Variants in PIF1 observed in about 807,000 individuals in gnomAD.
PIF1 encodes PIF1 5'-to-3' DNA helicase.
A neutral mutation model predicts 62.3 loss-of-function variants in PIF1; 67 were observed. The observed-to-expected ratio is 1.08, with a 90% confidence interval of 0.88 to 1.32. PIF1 has a LOEUF of 1.32. Ranked by LOEUF, PIF1 falls within the 40% of genes most tolerant of loss-of-function variation. The pLI, the probability that PIF1 is intolerant of heterozygous loss-of-function variation, is 0.00. For missense variants in PIF1, 886 were observed against 866.1 expected (o/e 1.02, Z -0.29); for synonymous variants, 364 against 379.5 (o/e 0.96, Z 0.47).
intron 9 of PIF1, chr15:64,818,711 T>C: frequency 3.3e-6 from 1 of 306,714 alleles, no homozygotes. Flanking sequence ...TCAGATACAC[T>C]GTGCCTGCAT....
At chr15:64,825,282 T>C (rs1159626364) in intron 1 of PIF1, among the ~76,000 whole-genome samples, 1 of 152,084 alleles carries the variant, frequency 6.6e-6, no homozygotes, top group African/African-American at 2.4e-5. Flanking sequence ...CACTGGCTTA[T>C]ATGCAGCGGG....
In PIF1 at chr15:64,823,892, G is replaced by A; in HGVS notation, c.444C>T (p.Val148=). The part of the protein sequence containing the change: ...QLLGPRPRDF[V]TISPVQPEER... ...CCTCGGGCTGCACAGGGCTGATGGT[G>A]ACGAAGTCGCGGGGCCGCGGGCCCA... The change falls in exon 2 of 13, where the codon GTC becomes GTT. Residue 148 remains valine, a synonymous_variant. Coordinates refer to ENST00000559239, the MANE Select transcript of PIF1 (RefSeq NM_001286496.2). 2 of 1,384,008 alleles carry A rather than the reference G, an allele frequency of 1.4e-6. No individual in the cohort carries two copies. Among genetic ancestry groups the A allele is most frequent in the Non-Finnish European group, 1.9e-6 (2 of 1,059,156 alleles). 85.7% of individuals were successfully genotyped at this position (1,384,008 alleles called of 1,614,324 possible).
intron 7 of PIF1, among the ~76,000 whole-genome samples, chr15:64,820,499 C>T (rs1407805660): frequency 4.6e-5 from 7 of 152,244 alleles, no homozygotes; most frequent in African/African-American, 1.7e-4. Context: ...CTGGTTTAAG[C>T]GATTCTCCTG....
At chr15:64,827,045 G>A (rs1412337992), upstream of PIF1, among the ~76,000 whole-genome samples, 3 of 152,162 alleles carry the variant, frequency 2.0e-5, no homozygotes, top group Non-Finnish European at 4.4e-5. Flanking sequence ...TCTGTTAGCG[G>A]TAGAGGGTGA....
At position 64,816,227 on chromosome 15, in the gene PIF1, C is replaced by G; in HGVS notation, c.*71G>C. Reference sequence around the variant, plus strand: ...GCCTACTCCAGTTATTCCCTGGGGCCCTGGGCCACTAGGGAGCAGGAGGAC... The same window carrying G: ...GCCTACTCCAGTTATTCCCTGGGGCGCTGGGCCACTAGGGAGCAGGAGGAC... On this transcript the variant is annotated 3_prime_UTR_variant, in exon 13 of 13. Coordinates refer to ENST00000559239, the MANE Select transcript of PIF1 (RefSeq NM_001286496.2). The G allele has an allele frequency of 2.5e-6, 4 of 1,605,326 alleles. No individual in the cohort carries two copies. The highest frequency in any genetic ancestry group is 3.4e-6 in the Non-Finnish European group (4 of 1,176,280).
In PIF1 at chr15:64,824,319, T is replaced by C. The variant is rs988425590; in HGVS notation, c.17A>G (p.Glu6Gly). 8.1e-5 allele frequency: 102 copies of C among 1,255,676 alleles called. No individual in the cohort carries two copies. The highest frequency in any genetic ancestry group is 1.0e-4 in the Non-Finnish European group (101 of 999,008). The allele number at this position is 1,255,676 out of a possible 1,614,324, so 77.8% of individuals were successfully genotyped here. Reference protein sequence around the residue: MLSGIEAAAGEYEDSE... With the variant: MLSGIGAAAGEYEDSE... ...GTCCTCATATTCCCCTGCCGCCGCC[T>C]CTATGCCCGAGAGCATCGTCACCGC... Residue 6 changes from glutamate to glycine, a missense_variant, in exon 2 of 13, where the codon GAG becomes GGG. Physicochemically the swap from Glu to Gly is moderately conservative, Grantham distance 98. Coordinates refer to ENST00000559239, the MANE Select transcript of PIF1 (RefSeq NM_001286496.2).
chr15:64,819,041 G>A (rs962352365), intron 9 of PIF1, 76 bp downstream of exon 9: 14 of 1,142,732 alleles, frequency 1.2e-5, no homozygotes, highest in African/African-American at 1.6e-5. Context: ...AGTGGCCTGG[G>A]CAGAGGGGTA....
intron 7 of PIF1, 43 bp from the exon 8 acceptor site, chr15:64,820,029 AGGG>A (rs2084263727): frequency 6.3e-7 from 1 of 1,594,126 alleles, no homozygotes; most frequent in Non-Finnish European, 8.6e-7. Context: ...CCTGTGCAGC[AGGG>A]GAGGTGGGGA....
chr15:64,817,981 G>A lies in PIF1; in HGVS notation c.1639C>T (p.Gln547Ter), dbSNP rs1374735638. The A allele has an allele frequency of 1.9e-6, 3 of 1,613,148 alleles. No homozygotes were observed. Among genetic ancestry groups the A allele is most frequent in the Non-Finnish European group, 2.5e-6 (3 of 1,179,762 alleles). Residue 547 changes from glutamine (Q) to a stop codon, truncating the protein, a stop_gained, in exon 11 of 13, where the codon CAG (glutamine) becomes TAG (stop). Coordinates refer to ENST00000559239, the MANE Select transcript of PIF1 (RefSeq NM_001286496.2). LOFTEE classifies it high-confidence loss of function. Reference sequence around the variant, plus strand: ...TGGATGGACATCGCCCAGGCCAGCTGGAGGGGCAGCTGCTGCCGACTGAGG... The same window carrying A: ...TGGATGGACATCGCCCAGGCCAGCTAGAGGGGCAGCTGCTGCCGACTGAGG... ...QLLSRQQLPL[Q>*]LAWAMSIHKS...
intron 1 of PIF1, among the ~76,000 whole-genome samples, chr15:64,824,992 T>TACACACACACAC (rs199650820): frequency 7.3e-6 from 1 of 136,622 alleles, no homozygotes; most frequent in African/African-American, 2.7e-5. Context: ...ACAATTTCTA[T>TACACACACACAC]ATATATACAC....
chr15:64,819,713 G>C (rs2084256259), intron 8 of PIF1, 134 bp downstream of exon 8: 2 of 1,192,238 alleles, frequency 1.7e-6, no homozygotes, highest in Admixed American at 4.7e-5. Context: ...AGTCACAGTT[G>C]CATTTGCAAA....
chr15:64,821,563 CTCTT>C (rs2084289255), intron 4 of PIF1, 43 bp from the exon 5 acceptor site: 56 of 1,333,032 alleles, frequency 4.2e-5, no homozygotes, highest in Admixed American at 6.7e-5. Flanking sequence ...CCCAAAGCCT[CTCTT>C]TTTTTTTTTT....
chr15:64,817,079 G>C (rs1353042810), intron 11 of PIF1, among the ~76,000 whole-genome samples: 1 of 152,162 alleles, frequency 6.6e-6, no homozygotes, highest in Admixed American at 6.6e-5. Flanking sequence ...GTTTCTTTCT[G>C]TGCAAAATAG....
At position 64,816,779 on chromosome 15, in the gene PIF1, G is replaced by A. The variant is rs760955287; in HGVS notation, c.1675-14C>T. 1.3e-6 allele frequency: 2 copies of A among 1,566,972 alleles called. No individual in the cohort carries two copies. Among genetic ancestry groups the A allele is most frequent in the East Asian group, 2.3e-5 (1 of 44,266 alleles). ...CAGGGTCATGCCCTGGGGGATGCAGGGACAGAGATGGAGTCAGCTCAGCCT... is the reference window on the plus strand; with the variant it reads ...CAGGGTCATGCCCTGGGGGATGCAGAGACAGAGATGGAGTCAGCTCAGCCT... On this transcript the variant is annotated splice_polypyrimidine_tract_variant and intron_variant, in intron 11 of 12. Transcript: ENST00000559239.
chr15:64,823,975 G>C lies in PIF1; in HGVS notation c.361C>G (p.Arg121Gly). 2 of 1,300,510 alleles carry C rather than the reference G, an allele frequency of 1.5e-6. No homozygotes were observed. Among genetic ancestry groups the C allele is most frequent in the Non-Finnish European group, 2.0e-6 (2 of 1,023,462 alleles). 80.6% of individuals were successfully genotyped at this position (1,300,510 alleles called of 1,614,324 possible). Residue 121 changes from arginine to glycine, a missense_variant, in exon 2 of 13, where the codon CGC becomes GGC. Arg to Gly is a moderately radical substitution (Grantham distance 125). Transcript: ENST00000559239. ...CCCGGGGCCGCAGCCAGCTTGAGGC[G>C]CAATGTGCGCAGGAAGCGGCGCAGG... is the stretch of plus-strand genomic sequence containing the variant. ...DRLRRFLRTLRLKLAAAPGPG... is the reference protein window; with the variant it reads ...DRLRRFLRTLGLKLAAAPGPG...
At chr15:64,821,560 C>G (rs548865796) in intron 4 of PIF1, 40 bp from the exon 5 acceptor site, 3 of 1,424,262 alleles carry the variant, frequency 2.1e-6, no homozygotes, top group Admixed American at 5.5e-5. Flanking sequence ...ATACCCAAAG[C>G]CTCTCTTTTT....
At chr15:64,824,441 G>A in intron 1 of PIF1, 87 bp from the exon 2 acceptor site, 2 of 912,950 alleles carry the variant, frequency 2.2e-6, no homozygotes, top group Non-Finnish European at 2.9e-6. Context: ...TATAAAGGAC[G>A]TGACAGGGAG....
In PIF1 at chr15:64,816,138, A is replaced by C; in HGVS notation, c.*160T>G. 6.8e-7 allele frequency: 1 copy of C among 1,473,564 alleles called. No homozygotes were observed. The highest frequency in any genetic ancestry group is 8.9e-7 in the Non-Finnish European group (1 of 1,118,452). The allele number at this position is 1,473,564 out of a possible 1,614,324, so 91.3% of individuals were successfully genotyped here. On this transcript the variant is annotated 3_prime_UTR_variant, in exon 13 of 13. Transcript: ENST00000559239. ...CACAGCTGGTATATGGGTTTAAAGT[A>C]CTCTCCCTTTAACCCTGCCAGGAGG...
In PIF1 at chr15:64,815,960, G is replaced by T. The variant is rs1337378506; in HGVS notation, c.*338C>A. 6.5e-7 allele frequency: 1 copy of T among 1,547,094 alleles called. No homozygotes were observed. Among genetic ancestry groups the T allele is most frequent in the Non-Finnish European group, 8.7e-7 (1 of 1,145,164 alleles). Reference sequence around the variant, plus strand: ...CTCCCTTCTGCAGCCTGAAAGGAGGGATGTTCAGGACTCTGCAGCTCTGTG... The same window carrying T: ...CTCCCTTCTGCAGCCTGAAAGGAGGTATGTTCAGGACTCTGCAGCTCTGTG... On this transcript the variant is annotated 3_prime_UTR_variant, in exon 13 of 13. Transcript: ENST00000559239.
Sources: gnomAD v4.1 joint callset for allele counts (sites outside exome capture counted in the v4.1 genomes callset) on GRCh38, gnomAD v4.1.1 for gene constraint, MANE v1.5 for transcripts, NCBI Gene and HGNC (gene_info 2026-07-23, HGNC 2026-07-21) for gene names.